The following DGKI variants were observed in gnomAD, a reference collection of about 807,000 sequenced individuals.
DGKI encodes DAG kinase iota.
A neutral mutation model predicts 147.5 loss-of-function variants in DGKI; 55 were observed. That is an observed-to-expected ratio of 0.37 (90% CI 0.30 to 0.47). The LOEUF (loss-of-function observed/expected upper bound fraction) is 0.47. Among genes scored for constraint, DGKI ranks in the 20% least tolerant of loss-of-function variants. The pLI, the probability that DGKI is intolerant of heterozygous loss-of-function variation, is 1.00. For synonymous variants in DGKI, 469 were observed against 477.1 expected (o/e 0.98, Z 0.22); for missense variants, 1,007 against 1,323.8 (o/e 0.76, Z 3.71).
At chr7:137,457,875 C>T (rs1432182904) in intron 27 of DGKI, among the ~76,000 whole-genome samples, 2 of 151,086 alleles carry the variant, frequency 1.3e-5, no homozygotes, top group Non-Finnish European at 2.9e-5. Flanking sequence ...CTGACATTTT[C>T]GTTAATTCTT....
intron 1 of DGKI, among the ~76,000 whole-genome samples, chr7:137,753,503 T>C (rs1795577521): frequency 6.6e-6 from 1 of 152,208 alleles, no homozygotes; most frequent in Non-Finnish European, 1.5e-5. Flanking sequence ...AGAGGTAGTT[T>C]AGTACCTCAT....
intron 6 of DGKI, among the ~76,000 whole-genome samples, chr7:137,633,130 T>C (rs1358492160): frequency 6.7e-6 from 1 of 149,540 alleles, no homozygotes; most frequent in African/African-American, 2.5e-5. Flanking sequence ...GAGAATTGCT[T>C]GAACCCAGGA....
At chr7:137,587,877 G>A (rs748828214) in intron 12 of DGKI, among the ~76,000 whole-genome samples, 44 of 152,118 alleles carry the variant, frequency 2.9e-4, no homozygotes, top group Admixed American at 4.6e-4. Flanking sequence ...GCAGGAAATT[G>A]ATACTTATAT....
intron 28 of DGKI, among the ~76,000 whole-genome samples, chr7:137,438,596 G>A (rs1031619781): frequency 5.9e-5 from 9 of 152,054 alleles, no homozygotes; most frequent in Non-Finnish European, 8.8e-5. Flanking sequence ...GCATGGATAC[G>A]AGGAAGAGTT....
At chr7:137,840,832 C>T (rs1047605940) in intron 1 of DGKI, among the ~76,000 whole-genome samples, 1 of 152,176 alleles carries the variant, frequency 6.6e-6, no homozygotes, top group East Asian at 1.9e-4. Context: ...TATCCAACAC[C>T]TACCAAGCAA....
At chr7:137,466,437 T>C (rs1189526284) in intron 25 of DGKI, among the ~76,000 whole-genome samples, 4 of 152,134 alleles carry the variant, frequency 2.6e-5, no homozygotes, top group Non-Finnish European at 4.4e-5. Flanking sequence ...TACATTTTTC[T>C]CCTAGGAGAA....
intron 1 of DGKI, among the ~76,000 whole-genome samples, chr7:137,752,242 G>A (rs1346314800): frequency 2.6e-5 from 4 of 151,366 alleles, no homozygotes; most frequent in Non-Finnish European, 4.4e-5. Context: ...TCCCATCCCT[G>A]AGAAATAGCA....
chr7:137,636,811 G>A (rs1415309517), intron 6 of DGKI, among the ~76,000 whole-genome samples: 1 of 152,138 alleles, frequency 6.6e-6, no homozygotes, highest in African/African-American at 2.4e-5. Flanking sequence ...ATTAGTTCCA[G>A]TGACATCTGA....
In DGKI at chr7:137,477,553, A is replaced by G. The variant is rs139629899; in HGVS notation, c.2373+7821T>C. The stretch of plus-strand genomic sequence containing the variant: ...TAAAGACTGAATTAGAGTTTCACCT[A>G]TTAGCAAGATGAATTTCCATGGTAC... On this transcript the variant is annotated intron_variant, in intron 23 of 32. Transcript: ENST00000614521. Among the ~76,000 whole-genome samples, 30 of 152,370 alleles carry G rather than the reference A, an allele frequency of 2.0e-4. No homozygotes were observed. The East Asian group carries it at 4.8e-3, about 25-fold the overall frequency.
intron 28 of DGKI, among the ~76,000 whole-genome samples, chr7:137,413,160 G>A (rs1021428124): frequency 4.0e-5 from 6 of 151,734 alleles, no homozygotes; most frequent in East Asian, 1.9e-4. Context: ...CCAGCTACTC[G>A]GGAGGCTGAG....
At chr7:137,818,677 G>A (rs1051506700) in intron 1 of DGKI, among the ~76,000 whole-genome samples, 6 of 152,014 alleles carry the variant, frequency 3.9e-5, no homozygotes, top group Non-Finnish European at 7.4e-5. Flanking sequence ...CCAGACCTCA[G>A]GTGATCCACC....
intron 1 of DGKI, among the ~76,000 whole-genome samples, chr7:137,757,190 G>A (rs928155118): frequency 2.0e-5 from 3 of 151,854 alleles, no homozygotes; most frequent in African/African-American, 7.3e-5. Context: ...TTAAACCTGG[G>A]TCATCGGGCT....
chr7:137,573,945 T>C (rs1224087904), intron 17 of DGKI, among the ~76,000 whole-genome samples: 1 of 152,270 alleles, frequency 6.6e-6, no homozygotes, highest in Non-Finnish European at 1.5e-5. Flanking sequence ...CTATAGACTT[T>C]CCGATGTCAA....
At chr7:137,510,661 T>C (rs575210359) in intron 21 of DGKI, among the ~76,000 whole-genome samples, 33 of 152,338 alleles carry the variant, frequency 2.2e-4, no homozygotes, top group African/African-American at 7.9e-4. Flanking sequence ...TCACAATTTC[T>C]ACATCATGCT....
intron 3 of DGKI, among the ~76,000 whole-genome samples, chr7:137,664,408 A>T (rs1167342080): frequency 6.6e-6 from 1 of 151,382 alleles, no homozygotes; most frequent in Admixed American, 6.6e-5. Flanking sequence ...AGAAAGAAAG[A>T]AAGAAAAAAA....
intron 3 of DGKI, among the ~76,000 whole-genome samples, chr7:137,668,084 T>C (rs1822705293): frequency 6.6e-6 from 1 of 152,240 alleles, no homozygotes; most frequent in South Asian, 2.1e-4. Context: ...GCCATCTCTA[T>C]GTGTTACAGC....
intron 32 of DGKI, among the ~76,000 whole-genome samples, chr7:137,394,470 C>T (rs923184645): frequency 1.3e-5 from 2 of 152,170 alleles, no homozygotes; most frequent in African/African-American, 4.8e-5. Context: ...TTCTTATAGG[C>T]TGAGCCCTGG....
At chr7:137,801,596 G>T (rs1385125337) in intron 1 of DGKI, among the ~76,000 whole-genome samples, 1 of 152,128 alleles carries the variant, frequency 6.6e-6, no homozygotes, top group Non-Finnish European at 1.5e-5. Flanking sequence ...GATAGTAAGT[G>T]GCATTATCAC....
intron 14 of DGKI, among the ~76,000 whole-genome samples, chr7:137,582,328 G>A (rs1453678036): frequency 6.6e-6 from 1 of 151,980 alleles, no homozygotes; most frequent in Non-Finnish European, 1.5e-5. Flanking sequence ...CTTAATCAGT[G>A]GATGTGCGTT....
Sources: allele counts gnomAD v4.1 joint callset (sites outside exome capture counted in the v4.1 genomes callset), GRCh38; gene constraint gnomAD v4.1.1; transcripts MANE v1.5; gene names NCBI Gene and HGNC (gene_info 2026-07-23, HGNC 2026-07-21).